Variants in KIAA1671 observed in about 807,000 individuals in gnomAD.
KIAA1671 encodes the protein KIAA1671.
In KIAA1671, 52 loss-of-function variants were observed where a neutral mutation model predicts 131.2. The ratio of observed to expected loss-of-function variants is 0.40; its 90% CI spans 0.32 to 0.50. The LOEUF (loss-of-function observed/expected upper bound fraction) is 0.50. Among genes scored for constraint, KIAA1671 ranks in the 20% least tolerant of loss-of-function variants. The pLI is 0.73. For synonymous variants in KIAA1671, 1,003 were observed against 961.6 expected, an observed-to-expected ratio of 1.04 and a Z score of -0.80; for missense variants, 2,360 against 2,364.2, an observed-to-expected ratio of 1.00 and a Z score of 0.04.
At chr22:25,022,995 G>C (rs1336984123) in intron 1 of KIAA1671, 1 of 152,392 alleles carries the variant, frequency 6.6e-6, no homozygotes, top group African/African-American at 2.4e-5. Flanking sequence ...TACGAAGTCA[G>C]GAGATCCAGA....
At chr22:25,168,465 C>T (rs972762507) in intron 6 of KIAA1671, among the ~76,000 whole-genome samples, 3 of 152,140 alleles carry the variant, frequency 2.0e-5, no homozygotes, top group Non-Finnish European at 4.4e-5. Flanking sequence ...CCGAGGTGGG[C>T]GGATCACCTG....
intron 6 of KIAA1671, among the ~76,000 whole-genome samples, chr22:25,145,344 C>T (rs1028155559): frequency 6.6e-6 from 1 of 152,166 alleles, no homozygotes; most frequent in Admixed American, 6.5e-5. Flanking sequence ...TGAGAGGTCA[C>T]CTGGGACTGT....
At chr22:24,986,646 T>TCCAC (rs1569198976) in intron 1 of KIAA1671, among the ~76,000 whole-genome samples, 4 of 12,072 alleles carry the variant, frequency 3.3e-4, no homozygotes, top group African/African-American at 1.3e-3. Flanking sequence ...CACCCACCCA[T>TCCAC]CCACCCACCC....
chr22:25,115,206 C>A (rs563111362), intron 6 of KIAA1671, among the ~76,000 whole-genome samples: 9 of 152,312 alleles, frequency 5.9e-5, no homozygotes, highest in African/African-American at 1.9e-4. Context: ...CCTGGTACTC[C>A]AGGTTTAGCC....
chr22:25,158,423 G>T (rs368498746), intron 6 of KIAA1671, among the ~76,000 whole-genome samples: 9 of 152,166 alleles, frequency 5.9e-5, no homozygotes, highest in African/African-American at 2.2e-4. Context: ...ACAGTCAAAC[G>T]ATAATCACAG....
At chr22:25,008,763 G>A (rs144299249) in intron 1 of KIAA1671, among the ~76,000 whole-genome samples, 182 of 152,280 alleles carry the variant, frequency 1.2e-3, no homozygotes, top group African/African-American at 4.2e-3. Flanking sequence ...ACTTTCCCAG[G>A]GCCCAGCACT....
At chr22:25,060,023 A>G (rs980049360) in intron 6 of KIAA1671, 1 of 152,094 alleles carries the variant, frequency 6.6e-6, no homozygotes, top group African/African-American at 2.4e-5. Flanking sequence ...GGGATTCTGC[A>G]TCGGGAGCTG....
chr22:25,175,470 C>T (rs527406985), intron 8 of KIAA1671: 3 of 152,248 alleles, frequency 2.0e-5, no homozygotes, highest in South Asian at 2.1e-4. Flanking sequence ...TAGATCAGGG[C>T]GGAGACAAAG....
At chr22:25,054,306 TTTTTTTCTTA>T (rs1927723457) in intron 6 of KIAA1671, 1 of 149,674 alleles carries the variant, frequency 6.7e-6, no homozygotes, top group Non-Finnish European at 1.5e-5. Flanking sequence ...TAATTTTCTT[TTTTTTTCTTA>T]AACAACAGAA....
At chr22:25,062,097 G>A (rs1928190549) in intron 6 of KIAA1671, 2 of 150,980 alleles carry the variant, frequency 1.3e-5, no homozygotes, top group Admixed American at 1.3e-4. Flanking sequence ...ATGTTGCCAA[G>A]GCTGGTATTG....
At chr22:25,043,168 G>A (rs891822752) in intron 5 of KIAA1671, among the ~76,000 whole-genome samples, 1 of 152,164 alleles carries the variant, frequency 6.6e-6, no homozygotes, top group Non-Finnish European at 1.5e-5. Flanking sequence ...CCTTTTGGGG[G>A]TACATAAGCA....
rs533699866 is a variant in KIAA1671 at position 25,177,114 on chromosome 22, C to T, written c.4900-234C>T. ...CAGGAAGCCAGGCACTGTACTAGGG[C>T]ACTCAAGGTTCATTGTTCCACCTGA... On this transcript the variant is annotated intron_variant, in intron 8 of 12. Transcript: ENST00000358431. The T allele has an allele frequency of 1.1e-5, 6 of 528,874 alleles. 1 individual carries two copies. Among genetic ancestry groups the T allele is most frequent in the African/African-American group, 5.7e-5 (3 of 53,020 alleles). The allele number at this position is 528,874 out of a possible 1,614,324, so 32.8% of individuals were successfully genotyped here. A position where few individuals can be genotyped will look rare whatever the true frequency, so the allele number is the denominator to read the frequency against.
At chr22:24,984,048 G>A (rs1002362826) in intron 1 of KIAA1671, among the ~76,000 whole-genome samples, 1 of 152,084 alleles carries the variant, frequency 6.6e-6, no homozygotes, top group Non-Finnish European at 1.5e-5. Flanking sequence ...AAAGTGCTAG[G>A]ATTACAGGTG....
rs1934696596 is a variant in KIAA1671 at position 25,192,402 on chromosome 22, C to G, written c.*5-4C>G. 6.6e-6 allele frequency: 1 copy of G among 152,246 alleles called. No individual in the cohort carries two copies. Among genetic ancestry groups the G allele is most frequent in the Non-Finnish European group, 1.5e-5 (1 of 68,050 alleles). 9.4% of individuals were successfully genotyped at this position (152,246 alleles called of 1,614,324 possible). On this transcript the variant is annotated splice_region_variant and splice_polypyrimidine_tract_variant and intron_variant, in intron 12 of 12. Transcript: ENST00000358431. ...TGACACCAGTACTGTCCCTTCCTCTCCAGGCAGGGAACACTGCCACATCTA... is the reference window on the plus strand; with the variant it reads ...TGACACCAGTACTGTCCCTTCCTCTGCAGGCAGGGAACACTGCCACATCTA...
At chr22:25,170,990 G>T in intron 7 of KIAA1671, 52 bp downstream of exon 7, 1 of 1,443,042 alleles carries the variant, frequency 6.9e-7, no homozygotes, top group Non-Finnish European at 9.5e-7. Flanking sequence ...CTGGGCTGGA[G>T]TTGCTGCAGC....
In KIAA1671 at chr22:25,163,923, C is replaced by T. The variant is rs1158924430; in HGVS notation, c.4531-6897C>T. ...AGATAAATTTCTGGAGCAAAAGTTACTGAATTAAGGCTATGCAGATTTTAA... is the reference window on the plus strand; with the variant it reads ...AGATAAATTTCTGGAGCAAAAGTTATTGAATTAAGGCTATGCAGATTTTAA... On this transcript the variant is annotated intron_variant, in intron 6 of 12. Coordinates refer to ENST00000358431, the MANE Select transcript of KIAA1671 (RefSeq NM_001145206.2). 3.9e-5 allele frequency among the ~76,000 whole-genome samples: 6 copies of T among 152,164 alleles called. No homozygotes were observed. The South Asian group carries it at 1.0e-3, about 26-fold the overall frequency.
At chr22:25,031,513 G>A (rs1036028721) in intron 3 of KIAA1671, among the ~76,000 whole-genome samples, 44 of 151,350 alleles carry the variant, frequency 2.9e-4, no homozygotes, top group African/African-American at 1.0e-3. Context: ...TGTATTTTTA[G>A]TAGAGACGGG....
intron 7 of KIAA1671, 31 bp downstream of exon 7, chr22:25,170,969 A>G: frequency 6.5e-7 from 1 of 1,533,780 alleles, no homozygotes; most frequent in South Asian, 1.2e-5. Flanking sequence ...TTCTGGCTGC[A>G]AAGGGGGCAG....
At chr22:25,143,209 G>A (rs1160615708) in intron 6 of KIAA1671, among the ~76,000 whole-genome samples, 2 of 152,220 alleles carry the variant, frequency 1.3e-5, no homozygotes, top group African/African-American at 4.8e-5. Context: ...TCAGCCAGGG[G>A]AAGAAGGCCT....
Sources: allele counts gnomAD v4.1 joint callset (sites outside exome capture counted in the v4.1 genomes callset), GRCh38; gene constraint gnomAD v4.1.1; transcripts MANE v1.5; gene names NCBI Gene and HGNC (gene_info 2026-07-23, HGNC 2026-07-21).